The following CCBE1 variants were observed in gnomAD, a reference collection of about 807,000 sequenced individuals.
CCBE1 encodes the protein collagen and calcium-binding EGF domain-containing protein 1.
A neutral mutation model predicts 50.0 loss-of-function variants in CCBE1; 37 were observed. The observed-to-expected ratio is 0.74, with a 90% CI of 0.57 to 0.97. The LOEUF (loss-of-function observed/expected upper bound fraction) is 0.97, where lower values mean the gene tolerates loss of function less well. Among genes scored for constraint, CCBE1 ranks in the 50% least tolerant of loss-of-function variants. CCBE1 has a pLI of 0.00. For synonymous variants in CCBE1, 234 were observed against 203.7 expected, an observed-to-expected ratio of 1.15 and a Z score of -1.27; for missense variants, 538 against 523.8, an observed-to-expected ratio of 1.03 and a Z score of -0.26.
chr18:59,506,143 C>G (rs1913862081), intron 2 of CCBE1, among the ~76,000 whole-genome samples: 1 of 152,176 alleles, frequency 6.6e-6, no homozygotes, highest in Admixed American at 6.5e-5. Flanking sequence ...AAATCAATAA[C>G]AGTGTCTTTG....
At chr18:59,512,113 G>C (rs866833895) in intron 2 of CCBE1, among the ~76,000 whole-genome samples, 3 of 152,322 alleles carry the variant, frequency 2.0e-5, no homozygotes, top group Middle Eastern at 3.4e-3. Flanking sequence ...GTGTGATATG[G>C]AAGGAAGGCA....
intron 2 of CCBE1, among the ~76,000 whole-genome samples, chr18:59,513,381 C>T (rs1262487465): frequency 7.9e-5 from 12 of 152,152 alleles, no homozygotes; most frequent in Admixed American, 7.9e-4. Flanking sequence ...GGAAAGTAAT[C>T]CAGGCCCCAA....
chr18:59,453,505 G>A (rs1911036451), intron 6 of CCBE1, among the ~76,000 whole-genome samples: 1 of 152,116 alleles, frequency 6.6e-6, no homozygotes, highest in Non-Finnish European at 1.5e-5. Context: ...ATATATACAT[G>A]TTTCTGTTAA....
intron 2 of CCBE1, among the ~76,000 whole-genome samples, chr18:59,561,884 G>C (rs1308145337): frequency 6.6e-6 from 1 of 152,138 alleles, no homozygotes; most frequent in Non-Finnish European, 1.5e-5. Flanking sequence ...TGCTGAGAAA[G>C]CTACTTTGAG....
chr18:59,656,794 C>G (rs1281629298), intron 2 of CCBE1, among the ~76,000 whole-genome samples: 1 of 152,182 alleles, frequency 6.6e-6, no homozygotes, highest in East Asian at 1.9e-4. Context: ...TTATCTTACA[C>G]TAATATGACC....
chr18:59,685,327 C>T (rs1156508393), intron 2 of CCBE1, among the ~76,000 whole-genome samples: 1 of 152,156 alleles, frequency 6.6e-6, no homozygotes, highest in African/African-American at 2.4e-5. Flanking sequence ...ACTTCCCTGA[C>T]ACCCTCAAAC....
chr18:59,514,649 A>G (rs1914290513), intron 2 of CCBE1, among the ~76,000 whole-genome samples: 1 of 150,692 alleles, frequency 6.6e-6, no homozygotes, highest in Non-Finnish European at 1.5e-5. Flanking sequence ...TTCCTTGAAA[A>G]AAAAAAAAAA....
At chr18:59,454,546 G>A (rs934208568) in intron 6 of CCBE1, among the ~76,000 whole-genome samples, 3 of 152,052 alleles carry the variant, frequency 2.0e-5, no homozygotes, top group South Asian at 2.1e-4. Flanking sequence ...GCACCCGGCT[G>A]GAAATTTATT....
intron 2 of CCBE1, among the ~76,000 whole-genome samples, chr18:59,538,389 T>A (rs951351766): frequency 2.0e-5 from 3 of 152,188 alleles, no homozygotes; most frequent in Middle Eastern, 3.2e-3. Flanking sequence ...CAGTTTTGTA[T>A]CTATTATTGG....
At chr18:59,686,439 C>G (rs1227759437) in intron 2 of CCBE1, among the ~76,000 whole-genome samples, 1 of 152,206 alleles carries the variant, frequency 6.6e-6, no homozygotes. Context: ...GGCTTTGAAG[C>G]CCAGCCCTGC....
intron 2 of CCBE1, among the ~76,000 whole-genome samples, chr18:59,660,824 T>C (rs867779580): frequency 6.6e-6 from 1 of 152,210 alleles, no homozygotes; most frequent in Non-Finnish European, 1.5e-5. Context: ...TCTTCTCTCA[T>C]TGGAATAACT....
chr18:59,649,008 G>A (rs1213057668), intron 2 of CCBE1, among the ~76,000 whole-genome samples: 1 of 152,172 alleles, frequency 6.6e-6, no homozygotes, highest in Non-Finnish European at 1.5e-5. Context: ...CAAACTAACT[G>A]CAGGCATTTA....
intron 2 of CCBE1, among the ~76,000 whole-genome samples, chr18:59,684,310 G>A (rs141103069): frequency 5.3e-5 from 8 of 152,276 alleles, no homozygotes; most frequent in Non-Finnish European, 8.8e-5. Flanking sequence ...TTGGCCTGGC[G>A]TGGTGGCAAG....
chr18:59,652,780 C>T (rs1005857149), intron 2 of CCBE1, among the ~76,000 whole-genome samples: 5 of 152,126 alleles, frequency 3.3e-5, no homozygotes, highest in African/African-American at 9.7e-5. Context: ...CTGGCTAACA[C>T]GGTGAAACCC....
In CCBE1 at chr18:59,669,674, G is replaced by A. The variant is rs140938944; in HGVS notation, c.212+26955C>T. Among the ~76,000 whole-genome samples, 613 of 152,296 alleles carry A rather than the reference G, an allele frequency of 4.0e-3. 4 individuals carry two copies. Among genetic ancestry groups the A allele is most frequent in the African/African-American group, 0.013 (550 of 41,566 alleles). On this transcript the variant is annotated intron_variant, in intron 2 of 10. Transcript: ENST00000439986. ...CGCGGTGCCCTTGTGCTCTCAACCC[G>A]GACATCATGAAGTGCTGGAGATGAC...
At chr18:59,682,179 T>G (rs1026436104) in intron 2 of CCBE1, among the ~76,000 whole-genome samples, 1 of 152,208 alleles carries the variant, frequency 6.6e-6, no homozygotes, top group Non-Finnish European at 1.5e-5. Flanking sequence ...CTGGCCAACA[T>G]GGTGAAACCC....
chr18:59,681,077 T>A (rs1000445872), intron 2 of CCBE1, among the ~76,000 whole-genome samples: 5 of 151,298 alleles, frequency 3.3e-5, no homozygotes, highest in Admixed American at 1.3e-4. Flanking sequence ...GGAAAGCTGT[T>A]TGGTATCTTT....
At chr18:59,451,270 A>G (rs1468433369) in intron 6 of CCBE1, among the ~76,000 whole-genome samples, 1 of 151,912 alleles carries the variant, frequency 6.6e-6, no homozygotes, top group Non-Finnish European at 1.5e-5. Flanking sequence ...TCAACTCCCC[A>G]GGCAGCCACC....
intron 9 of CCBE1, among the ~76,000 whole-genome samples, 170 bp downstream of exon 9, chr18:59,439,373 G>T (rs773749229): frequency 6.6e-6 from 1 of 151,954 alleles, no homozygotes; most frequent in Non-Finnish European, 1.5e-5. Context: ...GCTGAGGCGG[G>T]AGAATTGGGC....
Sources: gnomAD v4.1 joint callset for allele counts (sites outside exome capture counted in the v4.1 genomes callset) on GRCh38, gnomAD v4.1.1 for gene constraint, MANE v1.5 for transcripts, NCBI Gene and HGNC (gene_info 2026-07-23, HGNC 2026-07-21) for gene names.